Variants in ANKRD44 observed in about 807,000 individuals in gnomAD.
ANKRD44 encodes the protein serine/threonine-protein phosphatase 6 regulatory ankyrin repeat subunit B.
A neutral mutation model predicts 116.0 loss-of-function variants in ANKRD44; 35 were observed. The observed-to-expected ratio is 0.30, with a 90% CI of 0.23 to 0.40. ANKRD44 has a LOEUF of 0.40. Among genes scored for constraint, ANKRD44 ranks in the 10% least tolerant of loss-of-function variants. ANKRD44 has a pLI of 1.00. For missense variants in ANKRD44, 1,014 were observed against 1,242.6 expected, an observed-to-expected ratio of 0.82 and a Z score of 2.77; for synonymous variants, 435 against 461.8, an observed-to-expected ratio of 0.94 and a Z score of 0.74.
downstream of ANKRD44, among the ~76,000 whole-genome samples, chr2:196,983,630 T>C (rs2075817988): frequency 6.6e-6 from 1 of 152,240 alleles, no homozygotes; most frequent in Non-Finnish European, 1.5e-5. Flanking sequence ...AAGCTTTTTG[T>C]GCTCTAAAAG....
At chr2:197,105,670 C>A (rs1015985436) in intron 9 of ANKRD44, among the ~76,000 whole-genome samples, 2 of 152,144 alleles carry the variant, frequency 1.3e-5, no homozygotes, top group Non-Finnish European at 1.5e-5. Flanking sequence ...TTATTGTGAT[C>A]GTCTAGGGAC....
At chr2:197,045,945 G>A (rs2124981782) in intron 16 of ANKRD44, among the ~76,000 whole-genome samples, 1 of 152,202 alleles carries the variant, frequency 6.6e-6, no homozygotes. Context: ...ACCCATAATG[G>A]CAGCAGCCAG....
intron 16 of ANKRD44, among the ~76,000 whole-genome samples, chr2:197,073,903 A>T (rs765633217): frequency 6.6e-6 from 1 of 152,216 alleles, no homozygotes; most frequent in Non-Finnish European, 1.5e-5. Context: ...TTCTATTTTA[A>T]CACATCCTGT....
rs141715267 is a variant in ANKRD44 at position 197,191,403 on chromosome 2, C to G, written c.28-4297G>C. 2.7e-3 allele frequency among the ~76,000 whole-genome samples: 414 copies of G among 152,288 alleles called. 5 individuals carry two copies. The highest frequency in any genetic ancestry group is 9.6e-3 in the African/African-American group (400 of 41,552). The stretch of plus-strand genomic sequence containing the variant: ...ATGGGGAACAGAAAGACCCCTTGAT[C>G]TTATAAATTTTGTAGCTGAACTTGC... On this transcript the variant is annotated intron_variant, in intron 1 of 27. Coordinates refer to ENST00000282272, the MANE Select transcript of ANKRD44 (RefSeq NM_001195144.2).
chr2:197,058,134 C>A (rs911957577), intron 16 of ANKRD44, among the ~76,000 whole-genome samples: 2 of 152,140 alleles, frequency 1.3e-5, no homozygotes, highest in Admixed American at 6.5e-5. Context: ...AATGAAACCA[C>A]CAGATGGTGC....
chr2:197,209,779 A>T (rs2081286178), intron 1 of ANKRD44, among the ~76,000 whole-genome samples: 1 of 152,244 alleles, frequency 6.6e-6, no homozygotes, highest in Non-Finnish European at 1.5e-5. Flanking sequence ...CATTGCTTCT[A>T]AGTTCTCTAA....
At chr2:196,985,463 C>G (rs2075830163), downstream of ANKRD44, among the ~76,000 whole-genome samples, 1 of 152,100 alleles carries the variant, frequency 6.6e-6, no homozygotes, top group South Asian at 2.1e-4. Flanking sequence ...TGAAAAGCAC[C>G]CAGATTTGTA....
At chr2:197,145,721 C>T (rs2079484564) in intron 3 of ANKRD44, among the ~76,000 whole-genome samples, 1 of 152,190 alleles carries the variant, frequency 6.6e-6, no homozygotes, top group South Asian at 2.1e-4. Context: ...GCTTATGCAT[C>T]ACAGCACAAT....
At chr2:197,251,419 A>T (rs985816304) in intron 1 of ANKRD44, among the ~76,000 whole-genome samples, 1 of 152,230 alleles carries the variant, frequency 6.6e-6, no homozygotes, top group Admixed American at 6.5e-5. Context: ...GACTTCTTAC[A>T]TCCACTGCTA....
At chr2:197,254,266 G>T (rs1247511932) in intron 1 of ANKRD44, among the ~76,000 whole-genome samples, 1 of 152,080 alleles carries the variant, frequency 6.6e-6, no homozygotes, top group Admixed American at 6.5e-5. Flanking sequence ...GGCGGTGGGT[G>T]CCTGTAATCC....
At chr2:197,186,998 G>A in intron 2 of ANKRD44, 25 bp downstream of exon 2, 1 of 1,606,204 alleles carries the variant, frequency 6.2e-7, no homozygotes. Flanking sequence ...CAGGGCCTGA[G>A]TAGCAAAACC....
intron 1 of ANKRD44, among the ~76,000 whole-genome samples, chr2:197,293,472 TG>T (rs949227514): frequency 5.3e-5 from 8 of 152,246 alleles, no homozygotes; most frequent in African/African-American, 1.7e-4. Context: ...AGCAGGAAAA[TG>T]AAAGAGTTCA....
At chr2:196,984,872 A>G (rs1459454598), downstream of ANKRD44, among the ~76,000 whole-genome samples, 1 of 152,256 alleles carries the variant, frequency 6.6e-6, no homozygotes, top group South Asian at 2.1e-4. Context: ...AATGGCTCCT[A>G]GTAATTGCTG....
intron 21 of ANKRD44, among the ~76,000 whole-genome samples, chr2:196,979,825 G>A (rs1221900864): frequency 1.3e-5 from 2 of 151,860 alleles, no homozygotes; most frequent in Non-Finnish European, 2.9e-5. Flanking sequence ...GCCTCCCAAA[G>A]TGCTGGGATT....
intron 1 of ANKRD44, among the ~76,000 whole-genome samples, chr2:197,244,141 C>T (rs930699534): frequency 6.6e-5 from 10 of 152,316 alleles, no homozygotes; most frequent in Admixed American, 6.5e-4. Context: ...AAATTCAACC[C>T]AACTTAGGTA....
intron 18 of ANKRD44, among the ~76,000 whole-genome samples, chr2:197,013,225 A>G (rs1373762373): frequency 6.6e-6 from 1 of 152,176 alleles, no homozygotes; most frequent in African/African-American, 2.4e-5. Context: ...TGTTCTGAAG[A>G]TTGCATTACA....
intron 9 of ANKRD44, among the ~76,000 whole-genome samples, chr2:197,107,767 C>T (rs2078466818): frequency 6.6e-6 from 1 of 152,186 alleles, no homozygotes; most frequent in South Asian, 2.1e-4. Flanking sequence ...AGGTGATGTC[C>T]CACTCTGGGG....
intron 16 of ANKRD44, among the ~76,000 whole-genome samples, chr2:197,063,207 C>G (rs1159057556): frequency 6.6e-6 from 1 of 152,158 alleles, no homozygotes; most frequent in Admixed American, 6.5e-5. Flanking sequence ...TGGAGTGGAC[C>G]TCCAGCAAAC....
intron 1 of ANKRD44, among the ~76,000 whole-genome samples, chr2:197,247,887 G>A (rs2082226863): frequency 6.6e-6 from 1 of 152,164 alleles, no homozygotes; most frequent in African/African-American, 2.4e-5. Context: ...GAATGGAGGA[G>A]CCCAAGGTGA....
Sources: gnomAD v4.1 joint callset for allele counts (sites outside exome capture counted in the v4.1 genomes callset) on GRCh38, gnomAD v4.1.1 for gene constraint, MANE v1.5 for transcripts, NCBI Gene and HGNC (gene_info 2026-07-23, HGNC 2026-07-21) for gene names.